Variants in ARL6IP5 observed in about 807,000 individuals in gnomAD.
The protein encoded by ARL6IP5 is ARF like GTPase 6 interacting protein 5, also known as PRA1 family protein 3.
ARL6IP5 carries 6 observed loss-of-function variants against 13.0 expected under a neutral mutation model. That is an observed-to-expected ratio of 0.46 (90% CI 0.25 to 0.91). The LOEUF (loss-of-function observed/expected upper bound fraction) is 0.91. Ranked by LOEUF, ARL6IP5 falls within the 40% of genes least tolerant of loss-of-function variation. The pLI, the probability that ARL6IP5 is intolerant of heterozygous loss-of-function variation, is 0.17. For missense variants in ARL6IP5, 208 were observed against 248.8 expected (o/e 0.84, Z 1.10); for synonymous variants, 91 against 91.9 (o/e 0.99, Z 0.06).
At chr3:69,088,036 C>T (rs867487409) in intron 1 of ARL6IP5, among the ~76,000 whole-genome samples, 11 of 152,024 alleles carry the variant, frequency 7.2e-5, no homozygotes, top group South Asian at 2.1e-4. Context: ...GTCATAGAAC[C>T]CAATTTTAAA....
chr3:69,089,528 G>A (rs979366791), intron 1 of ARL6IP5, among the ~76,000 whole-genome samples: 10 of 151,782 alleles, frequency 6.6e-5, no homozygotes, highest in African/African-American at 2.4e-4. Flanking sequence ...TTCCTGGATG[G>A]GTATAGTGGC....
intron 1 of ARL6IP5, among the ~76,000 whole-genome samples, chr3:69,096,645 C>A (rs1367153462): frequency 2.0e-5 from 3 of 148,286 alleles, no homozygotes; most frequent in Non-Finnish European, 4.5e-5. Flanking sequence ...GCTCTGTCAC[C>A]CAGGCTGGAG....
intron 2 of ARL6IP5, among the ~76,000 whole-genome samples, chr3:69,102,458 C>A (rs1032959332): frequency 1.3e-5 from 2 of 152,122 alleles, no homozygotes; most frequent in African/African-American, 4.8e-5. Flanking sequence ...CGGGGTTTTA[C>A]TATGTTGCCC....
At position 69,104,742 on chromosome 3, in the gene ARL6IP5, C is replaced by A; in HGVS notation, c.*106C>A. On this transcript the variant is annotated 3_prime_UTR_variant, in exon 3 of 3. Transcript: ENST00000273258. ...TTTGAAACAGGAGGTGCACGTACCA[C>A]CCAATTATCTATGGCAGCATGCATG... is the stretch of plus-strand genomic sequence containing the variant. 1 of 1,242,288 alleles carries A rather than the reference C, an allele frequency of 8.0e-7. No individual in the cohort carries two copies. Among genetic ancestry groups the A allele is most frequent in the Non-Finnish European group, 1.2e-6 (1 of 867,434 alleles). 77.0% of individuals were successfully genotyped at this position (1,242,288 alleles called of 1,614,324 possible). A position where few individuals can be genotyped will look rare whatever the true frequency, so the allele number is the denominator to read the frequency against.
intron 1 of ARL6IP5, among the ~76,000 whole-genome samples, chr3:69,101,316 CTTT>C (rs549402201): frequency 1.5e-4 from 18 of 119,434 alleles, no homozygotes; most frequent in Admixed American, 2.5e-4. Context: ...TCAGCTCCAC[CTTT>C]TTTTTTTTTT....
Position 69,090,604 on chromosome 3 carries a change from T to A in ARL6IP5, c.176+5381T>A, listed in dbSNP as rs528311637. On this transcript the variant is annotated intron_variant, in intron 1 of 2. Coordinates refer to ENST00000273258, the MANE Select transcript of ARL6IP5 (RefSeq NM_006407.4). ...TTGGGAATAGGGGAGGCATTGAGTA[T>A]GTAGACAGGAAAAAGGTTTTTTTAA... Among the ~76,000 whole-genome samples the A allele has an allele frequency of 2.8e-4, 43 of 152,342 alleles. No individual in the cohort carries two copies. The South Asian group carries it at 8.7e-3, about 31-fold the overall frequency.
chr3:69,085,553 T>A (rs1353521767), intron 1 of ARL6IP5, among the ~76,000 whole-genome samples: 1 of 152,184 alleles, frequency 6.6e-6, no homozygotes, highest in African/African-American at 2.4e-5. Context: ...GCTGGAAAGA[T>A]ATTTGTAGCG....
intron 2 of ARL6IP5, among the ~76,000 whole-genome samples, chr3:69,102,514 A>G (rs1413605924): frequency 3.3e-5 from 5 of 151,670 alleles, no homozygotes; most frequent in Non-Finnish European, 7.4e-5. Context: ...GCTTCCTTGG[A>G]CTCCCCAAGT....
rs1182218558 is a variant in ARL6IP5, at chr3:69,085,286, C to T, written c.176+63C>T. ...GCGAGCACGGAGGGGCCTCGGGGTG[C>T]AAGATCCCGGGATGTAGAGACGCTC... On this transcript the variant is annotated intron_variant, in intron 1 of 2. Transcript: ENST00000273258. The T allele has an allele frequency of 1.9e-6, 3 of 1,544,362 alleles. No homozygotes were observed. The African/African-American group carries it at 4.1e-5, about 21-fold the overall frequency.
Position 69,085,218 on chromosome 3 carries a change from TGTG to T in ARL6IP5, c.173_175del (p.Val58del), listed in dbSNP as rs747667916. ...TGGTGGCTGCCATGATGATTTCCAT[TGTG>T]GGGTAAGTGGGGTCCCCCTACCCGG... On this transcript the variant is annotated inframe_deletion and splice_region_variant, in exon 1 of 3. Transcript: ENST00000273258. 6.2e-7 allele frequency: 1 copy of T among 1,613,034 alleles called. No individual in the cohort carries two copies. Among genetic ancestry groups the T allele is most frequent in the Non-Finnish European group, 8.5e-7 (1 of 1,179,224 alleles).
chr3:69,096,115 C>G (rs1284020853), intron 1 of ARL6IP5, among the ~76,000 whole-genome samples: 1 of 152,252 alleles, frequency 6.6e-6, no homozygotes, highest in African/African-American at 2.4e-5. Context: ...TTATCAGATA[C>G]AGAAGAAAAT....
intron 1 of ARL6IP5, among the ~76,000 whole-genome samples, chr3:69,097,339 GTTTT>G (rs201515218): frequency 7.5e-6 from 1 of 133,608 alleles, no homozygotes; most frequent in Non-Finnish European, 1.6e-5. Context: ...TTTGTGGGGT[GTTTT>G]TTTTTTTTTT....
chr3:69,104,412 T>C (rs2092315791), intron 2 of ARL6IP5, 52 bp from the exon 3 acceptor site: 3 of 1,539,912 alleles, frequency 1.9e-6, no homozygotes, highest in African/African-American at 2.7e-5. Context: ...AATATTGATA[T>C]GGCAAAAGAG....
chr3:69,088,718 C>CT (rs2107510375), intron 1 of ARL6IP5, among the ~76,000 whole-genome samples: 1 of 152,276 alleles, frequency 6.6e-6, no homozygotes, highest in Non-Finnish European at 1.5e-5. Context: ...CCTTTGGATC[C>CT]TTTACATCAA....
chr3:69,097,931 G>C (rs554023254), intron 1 of ARL6IP5, among the ~76,000 whole-genome samples: 1 of 152,332 alleles, frequency 6.6e-6, no homozygotes, highest in South Asian at 2.1e-4. Flanking sequence ...GGCGAGATGG[G>C]ACAAGTAGAG....
chr3:69,105,192 C>G lies in ARL6IP5; in HGVS notation c.*556C>G, dbSNP rs7039. 151,006 of 270,512 alleles carry G rather than the reference C, an allele frequency of 0.56. 43,311 individuals carry two copies. Among genetic ancestry groups the G allele is most frequent in the African/African-American group, 0.69 (30,886 of 44,954 alleles). 16.8% of individuals were successfully genotyped at this position (270,512 alleles called of 1,614,324 possible). A position where few individuals can be genotyped will look rare whatever the true frequency, so the allele number is the denominator to read the frequency against. On this transcript the variant is annotated 3_prime_UTR_variant, in exon 3 of 3. Transcript: ENST00000273258. The stretch of plus-strand genomic sequence containing the variant: ...TGGTTAAGCCAGTTGTTCATACTTC[C>G]TTTACAAATATAAAGATAGCTGTTT...
chr3:69,101,797 G>C lies in ARL6IP5; in HGVS notation c.177-42G>C, dbSNP rs745936655. On this transcript the variant is annotated intron_variant, in intron 1 of 2. Coordinates refer to ENST00000273258, the MANE Select transcript of ARL6IP5 (RefSeq NM_006407.4). ...TCTTTCTCCTTTTGCTACTTCTATT[G>C]CTGAACTAGTCACCCCTCATTTTTT... 4.6e-6 allele frequency: 7 copies of C among 1,527,082 alleles called. No individual in the cohort carries two copies. In the African/African-American group the frequency reaches 8.2e-5, roughly 18 times the overall value. 94.6% of individuals were successfully genotyped at this position (1,527,082 alleles called of 1,614,324 possible).
At chr3:69,085,746 A>G (rs1214296156) in intron 1 of ARL6IP5, among the ~76,000 whole-genome samples, 1 of 151,850 alleles carries the variant, frequency 6.6e-6, no homozygotes, top group Non-Finnish European at 1.5e-5. Flanking sequence ...TGGGATCAAA[A>G]GGGGGGGTGT....
In ARL6IP5 at chr3:69,093,679, T is replaced by G. The variant is rs182636178; in HGVS notation, c.177-8160T>G. Reference sequence around the variant, plus strand: ...GGAGAGGCTGAGGCAGGAGAATTGTTTGAACCAGGGAGTCAGAGGTTGCAG... The same window carrying G: ...GGAGAGGCTGAGGCAGGAGAATTGTGTGAACCAGGGAGTCAGAGGTTGCAG... On this transcript the variant is annotated intron_variant, in intron 1 of 2. Coordinates refer to ENST00000273258, the MANE Select transcript of ARL6IP5 (RefSeq NM_006407.4). Among the ~76,000 whole-genome samples the G allele has an allele frequency of 5.3e-4, 81 of 151,756 alleles. 1 individual carries two copies. The highest frequency in any genetic ancestry group is 3.4e-3 in the Middle Eastern group (1 of 294).
Sources: allele counts gnomAD v4.1 joint callset (sites outside exome capture counted in the v4.1 genomes callset), GRCh38; gene constraint gnomAD v4.1.1; transcripts MANE v1.5; gene names NCBI Gene and HGNC (gene_info 2026-07-23, HGNC 2026-07-21).